The following INO80 variants were observed in gnomAD, a reference collection of about 807,000 sequenced individuals.
INO80 encodes the protein INO80 complex ATPase subunit.
INO80 carries 20 observed loss-of-function variants against 203.4 expected under a neutral mutation model. That is an observed-to-expected ratio of 0.10 (90% CI 0.07 to 0.14). The LOEUF (loss-of-function observed/expected upper bound fraction) is 0.14. INO80 is among the 10% of genes least tolerant of loss of function. The probability of loss-of-function intolerance (pLI) is 1.00; values close to 1 mark genes in which losing one functional copy is unlikely to be tolerated. For missense variants in INO80, 1,419 were observed against 1,914.4 expected, an observed-to-expected ratio of 0.74 and a Z score of 4.83; for synonymous variants, 726 against 685.2, an observed-to-expected ratio of 1.06 and a Z score of -0.93.
At chr15:41,059,845 T>C (rs1428046440) in intron 15 of INO80, 22 bp downstream of exon 15, 9 of 1,530,614 alleles carry the variant, frequency 5.9e-6, no homozygotes, top group Non-Finnish European at 7.2e-6. Flanking sequence ...TACGTATGTA[T>C]GCAGTTTAAG....
chr15:41,041,690 G>A (rs907636973), intron 24 of INO80, among the ~76,000 whole-genome samples: 7 of 151,978 alleles, frequency 4.6e-5, no homozygotes, highest in South Asian at 2.1e-4. Flanking sequence ...TGCTCTGCCC[G>A]CCTTGGCCTC....
At chr15:41,114,273 CAA>C (rs60513256) in intron 1 of INO80, among the ~76,000 whole-genome samples, 31 of 128,864 alleles carry the variant, frequency 2.4e-4, no homozygotes, top group African/African-American at 7.6e-4. Context: ...TCTCAAAAAA[CAA>C]AAAAAAAAAA....
At chr15:41,093,603 C>A (rs2045677307) in intron 4 of INO80, among the ~76,000 whole-genome samples, 1 of 151,738 alleles carries the variant, frequency 6.6e-6, no homozygotes, top group Admixed American at 6.6e-5. Context: ...GTGGCTCACA[C>A]CTGTAATCCC....
Position 41,096,293 on chromosome 15 carries a change from A to G in INO80, c.18T>C (p.Gly6=). 1.3e-6 allele frequency: 2 copies of G among 1,598,888 alleles called. No individual in the cohort carries two copies. Among genetic ancestry groups the G allele is most frequent in the Non-Finnish European group, 1.7e-6 (2 of 1,176,030 alleles). The stretch of plus-strand genomic sequence containing the variant: ...CAGTGCAGCCTCCATCATCCCTGGC[A>G]CCCAACTCCGAGGCCATAGAACAAA... MASEL[G]ARDDGGCTEL... is the part of the protein sequence containing the mutation. The change falls in exon 2 of 36, where the codon GGT becomes GGC. Residue 6 remains glycine, a synonymous_variant. Transcript: ENST00000648947.
intron 31 of INO80, 57 bp downstream of exon 31, chr15:40,987,034 G>T: frequency 2.0e-6 from 2 of 1,018,824 alleles, no homozygotes; most frequent in Non-Finnish European, 1.5e-6. Flanking sequence ...ACACAGCCAA[G>T]TACCTCTTCC....
chr15:41,049,549 C>G, intron 20 of INO80, 129 bp from the exon 21 acceptor site: 2 of 834,536 alleles, frequency 2.4e-6, no homozygotes, highest in East Asian at 5.1e-5. Flanking sequence ...CATTAATAGC[C>G]TTTGCTTATC....
chr15:41,070,800 G>C (rs2045297659), intron 12 of INO80, among the ~76,000 whole-genome samples: 1 of 152,210 alleles, frequency 6.6e-6, no homozygotes. Context: ...AAAGCAATTA[G>C]ATTTACCAAG....
At chr15:41,090,483 G>A (rs755068659) in intron 5 of INO80, among the ~76,000 whole-genome samples, 1 of 152,168 alleles carries the variant, frequency 6.6e-6, no homozygotes, top group Non-Finnish European at 1.5e-5. Context: ...AGGCTGAGCA[G>A]GAGAATCGCT....
chr15:41,080,952 T>A, intron 8 of INO80, 68 bp downstream of exon 8: 1 of 990,028 alleles, frequency 1.0e-6, no homozygotes, highest in South Asian at 1.3e-5. Flanking sequence ...AGCAGCAAGA[T>A]GGACCCCAAA....
chr15:41,103,551 G>C (rs565714140), intron 1 of INO80, among the ~76,000 whole-genome samples: 13 of 151,970 alleles, frequency 8.6e-5, no homozygotes, highest in African/African-American at 2.9e-4. Flanking sequence ...CACCACGCCC[G>C]GCTAATTTTT....
chr15:41,020,085 G>A lies in INO80; in HGVS notation c.3274+815C>T, dbSNP rs575770616. Reference sequence around the variant, plus strand: ...AAATACAAAAAATTAGCCAGGCGTGGTGGTGGGCGCCTGTAGTCCCAGCTA... The same window carrying A: ...AAATACAAAAAATTAGCCAGGCGTGATGGTGGGCGCCTGTAGTCCCAGCTA... On this transcript the variant is annotated intron_variant, in intron 26 of 35. Coordinates refer to ENST00000648947, the MANE Select transcript of INO80 (RefSeq NM_017553.3). 8.5e-5 allele frequency among the ~76,000 whole-genome samples: 13 copies of A among 152,268 alleles called. No homozygotes were observed. In the South Asian group the frequency reaches 1.7e-3, roughly 19 times the overall value.
At chr15:41,115,827 C>A (rs2046026154) in intron 1 of INO80, 146 bp downstream of exon 1, 1 of 369,514 alleles carries the variant, frequency 2.7e-6, no homozygotes, top group African/African-American at 2.1e-5. Context: ...GTGTCCACAC[C>A]CATCCTCCAT....
At chr15:40,990,465 A>G (rs1203553071) in intron 29 of INO80, among the ~76,000 whole-genome samples, 3 of 152,144 alleles carry the variant, frequency 2.0e-5, no homozygotes, top group Non-Finnish European at 4.4e-5. Flanking sequence ...GGCTCAAGCA[A>G]TCCTACCATC....
Position 41,072,066 on chromosome 15 carries a change from G to GT in INO80, c.1396-9dup. 2.3e-6 allele frequency: 2 copies of GT among 887,860 alleles called. No individual in the cohort carries two copies. The highest frequency in any genetic ancestry group is 3.0e-6 in the Non-Finnish European group (2 of 667,610). 55.0% of individuals were successfully genotyped at this position (887,860 alleles called of 1,614,324 possible). ...TTCATCAAATGACCTTGTCTGGAAA[G>GT]TAAAAAAAAAAAAAATTAGAAAAAA... On this transcript the variant is annotated splice_polypyrimidine_tract_variant and intron_variant, in intron 11 of 35. Transcript: ENST00000648947.
In INO80 at chr15:40,987,161, G is replaced by A; in HGVS notation, c.3762C>T (p.Phe1254=). The stretch of plus-strand genomic sequence containing the variant: ...CTTTGGGTTTCAAGGTATCTGGTTT[G>A]AAGTTCCCACCTGAAATCACCATCC... The part of the protein sequence containing the change: ...IQRMVISGGN[F]KPDTLKPKEV... Residue 1254 remains phenylalanine, a synonymous_variant, in exon 31 of 36, where the codon TTC becomes TTT. Transcript: ENST00000648947. 1 of 1,613,344 alleles carries A rather than the reference G, an allele frequency of 6.2e-7. No homozygotes were observed. Among genetic ancestry groups the A allele is most frequent in the South Asian group, 1.1e-5 (1 of 91,062 alleles).
At chr15:41,038,009 TTC>T (rs1566922694) in intron 24 of INO80, among the ~76,000 whole-genome samples, 1 of 130,980 alleles carries the variant, frequency 7.6e-6, no homozygotes, top group Non-Finnish European at 1.6e-5. Context: ...CTCTTCCCTT[TTC>T]TTTTTTTTTT....
chr15:40,980,000 T>C lies in INO80; in HGVS notation c.*223A>G. ...TTCACTTGAGATGCAGTGGGGCTGA[T>C]CCATGCCCTGTGGCCTTCCTCCTAC... is the stretch of plus-strand genomic sequence containing the variant. On this transcript the variant is annotated 3_prime_UTR_variant, in exon 36 of 36. Transcript: ENST00000648947. 1 of 578,614 alleles carries C rather than the reference T, an allele frequency of 1.7e-6. No individual in the cohort carries two copies. The highest frequency in any genetic ancestry group is 3.1e-6 in the Non-Finnish European group (1 of 323,548). 35.8% of individuals were successfully genotyped at this position (578,614 alleles called of 1,614,324 possible).
intron 9 of INO80, 92 bp downstream of exon 9, chr15:41,079,609 A>G: frequency 9.1e-7 from 1 of 1,100,896 alleles, no homozygotes; most frequent in Non-Finnish European, 1.4e-6. Context: ...TGACAGTGTC[A>G]TTGGTTAGAT....
chr15:41,071,194 C>T (rs1430279520), intron 12 of INO80, among the ~76,000 whole-genome samples: 1 of 152,134 alleles, frequency 6.6e-6, no homozygotes, highest in African/African-American at 2.4e-5. Flanking sequence ...CAGAGACATC[C>T]TTCTGCCTCT....
Sources: gnomAD v4.1 joint callset for allele counts (sites outside exome capture counted in the v4.1 genomes callset) on GRCh38, gnomAD v4.1.1 for gene constraint, MANE v1.5 for transcripts, NCBI Gene and HGNC (gene_info 2026-07-23, HGNC 2026-07-21) for gene names.